Variants in AMZ2 observed in about 807,000 individuals in gnomAD.
The protein encoded by AMZ2 is archaelysin family metallopeptidase 2.
A neutral mutation model predicts 36.7 loss-of-function variants in AMZ2; 26 were observed. The ratio of observed to expected loss-of-function variants is 0.71; its 90% CI spans 0.52 to 0.98. The LOEUF (loss-of-function observed/expected upper bound fraction) is 0.98, where lower values mean the gene tolerates loss of function less well. Among genes scored for constraint, AMZ2 ranks in the 50% least tolerant of loss-of-function variants. The probability of loss-of-function intolerance (pLI) is 0.00; values close to 1 mark genes in which losing one functional copy is unlikely to be tolerated. For synonymous variants in AMZ2, 144 were observed against 149.1 expected (o/e 0.97, Z 0.25); for missense variants, 394 against 430.5 (o/e 0.92, Z 0.75).
Position 68,223,898 on chromosome 17 carries a change from A to ATT in AMZ2, c.-67+17668_-67+17669dup, listed in dbSNP as rs1555729196. 6.4e-3 allele frequency among the ~76,000 whole-genome samples: 720 copies of ATT among 111,690 alleles called. 8 individuals carry two copies. Among genetic ancestry groups the ATT allele is most frequent in the African/African-American group, 0.021 (693 of 32,764 alleles). The allele number at this position is 111,690 out of a possible 152,430, so 73.3% of individuals were successfully genotyped here. A position where few individuals can be genotyped will look rare whatever the true frequency, so the allele number is the denominator to read the frequency against. On this transcript the variant is annotated intron_variant, in intron 1 of 7. Transcript: ENST00000674770. ...ACCCAGCTAATTTATATATATATAT[A>ATT]TTTTTTTTTGAAACGGAGTCTCGCT...
intron 1 of AMZ2, among the ~76,000 whole-genome samples, chr17:68,229,285 G>A (rs548986594): frequency 2.2e-4 from 33 of 152,144 alleles, no homozygotes; most frequent in African/African-American, 4.6e-4. Context: ...AAGCACAGCC[G>A]TGGCTGAACA....
chr17:68,214,167 C>A (rs1391352448), intron 1 of AMZ2, among the ~76,000 whole-genome samples: 10 of 151,328 alleles, frequency 6.6e-5, no homozygotes, highest in East Asian at 1.9e-4. Flanking sequence ...TCGTGGTACT[C>A]TGTAGCCAGT....
chr17:68,249,059 A>G (rs528729205), intron 1 of AMZ2: 19 of 1,185,290 alleles, frequency 1.6e-5, no homozygotes, highest in South Asian at 8.4e-5. Context: ...TGAAAGCTCT[A>G]TATAGGAACA....
chr17:68,211,951 A>G (rs1429971768), intron 1 of AMZ2, among the ~76,000 whole-genome samples: 1 of 151,390 alleles, frequency 6.6e-6, no homozygotes, highest in Non-Finnish European at 1.5e-5. Flanking sequence ...CTGATACTAT[A>G]TTATCATAAG....
intron 1 of AMZ2, among the ~76,000 whole-genome samples, chr17:68,211,312 C>G (rs1849030381): frequency 6.6e-6 from 1 of 151,914 alleles, no homozygotes; most frequent in African/African-American, 2.4e-5. Context: ...ACCATCCTGG[C>G]TAACACAGTG....
chr17:68,222,893 T>C (rs1292045637), intron 1 of AMZ2, among the ~76,000 whole-genome samples: 1 of 152,170 alleles, frequency 6.6e-6, no homozygotes, highest in African/African-American at 2.4e-5. Flanking sequence ...TACGGGTCTG[T>C]GGCCCAGAGG....
At chr17:68,234,870 C>T (rs1555732138) in intron 1 of AMZ2, among the ~76,000 whole-genome samples, 1 of 152,004 alleles carries the variant, frequency 6.6e-6, no homozygotes, top group African/African-American at 2.4e-5. Flanking sequence ...CAAAAATTAG[C>T]CGGGCATTGC....
intron 1 of AMZ2, among the ~76,000 whole-genome samples, chr17:68,230,641 G>C (rs1178835122): frequency 6.6e-6 from 1 of 152,216 alleles, no homozygotes; most frequent in Admixed American, 6.5e-5. Flanking sequence ...GCCCCTTTCA[G>C]AATGGCTCAC....
rs1156556255 is a variant in AMZ2, at chr17:68,250,228, C to G, written c.41C>G (p.Ala14Gly). Residue 14 changes from alanine to glycine, a missense_variant, in exon 2 of 7, where the codon GCT becomes GGT. By Grantham distance (60) the Ala-to-Gly change is moderately conservative (BLOSUM62 0). Coordinates refer to ENST00000359904, the MANE Select transcript of AMZ2 (RefSeq NM_016627.5). The stretch of plus-strand genomic sequence containing the variant: ...CACTCCGAACAGACACTAAAAACAG[C>G]TCTCATCTCAAAGAACCCAGTGCTT... ...IRHSEQTLKT[A>G]LISKNPVLVS... is the part of the protein sequence containing the mutation. 1.2e-6 allele frequency: 2 copies of G among 1,614,048 alleles called. No homozygotes were observed. The highest frequency in any genetic ancestry group is 1.7e-6 in the Non-Finnish European group (2 of 1,180,046).
intron 1 of AMZ2, among the ~76,000 whole-genome samples, chr17:68,221,520 G>A (rs1382314050): frequency 3.3e-5 from 5 of 151,978 alleles, no homozygotes; most frequent in Admixed American, 1.3e-4. Flanking sequence ...ACGAGGTCAG[G>A]AGATTGAGAC....
At chr17:68,247,555 A>C (rs1323739785), upstream of AMZ2, 1 of 896,102 alleles carries the variant, frequency 1.1e-6, no homozygotes, top group Non-Finnish European at 1.3e-6. Context: ...TCTGGGTTCC[A>C]GCCCCCGCGG....
chr17:68,253,232 A>G (rs1263943939), intron 4 of AMZ2, among the ~76,000 whole-genome samples: 1 of 152,208 alleles, frequency 6.6e-6, no homozygotes, highest in Admixed American at 6.5e-5. Context: ...CCAGAATGCT[A>G]TCTTTGCTTA....
rs781945511 is a variant in AMZ2 at position 68,250,205 on chromosome 17, C to G, written c.18C>G (p.His6Gln). 5.1e-5 allele frequency: 82 copies of G among 1,613,752 alleles called. No individual in the cohort carries two copies. Among genetic ancestry groups the G allele is most frequent in the Non-Finnish European group, 6.3e-5 (74 of 1,179,966 alleles). ...TTTGTTAGATGCAAATAATACGGCA[C>G]TCCGAACAGACACTAAAAACAGCTC... MQIIR[H>Q]SEQTLKTALI... The change falls in exon 2 of 7, where the codon CAC becomes CAG. Residue 6 changes from histidine to glutamine, a missense_variant. Physicochemically the swap from His to Gln is conservative, Grantham distance 24 (BLOSUM62 0). Coordinates refer to ENST00000359904, the MANE Select transcript of AMZ2 (RefSeq NM_016627.5).
chr17:68,206,219 T>G, exon 1 of AMZ2: 1 of 1,302,424 alleles, frequency 7.7e-7, no homozygotes. Flanking sequence ...GGAGCCATAG[T>G]ACCTACAGCA....
Position 68,255,873 on chromosome 17 carries a change from C to T in AMZ2, c.924C>T (p.Tyr308=). The T allele has an allele frequency of 6.2e-7, 1 of 1,613,632 alleles. No homozygotes were observed. The highest frequency in any genetic ancestry group is 8.5e-7 in the Non-Finnish European group (1 of 1,179,846). Residue 308 remains tyrosine (Y), a synonymous_variant, in exon 6 of 7, where the codon TAC becomes TAT. Coordinates refer to ENST00000359904, the MANE Select transcript of AMZ2 (RefSeq NM_016627.5). ...TTGGCTTCAGCATTGTAGAAAGATA[C>T]AAAGTAAGTTGGGGGGTGGACAGTC... ...CAVGFSIVER[Y]KALVRWIDDE...
At chr17:68,256,642 C>T (rs1555742925) in intron 6 of AMZ2, among the ~76,000 whole-genome samples, 172 bp from the exon 7 acceptor site, 1 of 152,170 alleles carries the variant, frequency 6.6e-6, no homozygotes, top group African/African-American at 2.4e-5. Context: ...TTGGTACGTG[C>T]CATTTCACTC....
At chr17:68,214,319 G>A (rs1555726761) in intron 1 of AMZ2, among the ~76,000 whole-genome samples, 3 of 152,128 alleles carry the variant, frequency 2.0e-5, no homozygotes. Context: ...AGGAGCGATG[G>A]CATGGAAAGG....
chr17:68,213,641 G>A (rs577596423), intron 1 of AMZ2, among the ~76,000 whole-genome samples: 2 of 152,178 alleles, frequency 1.3e-5, no homozygotes, highest in Non-Finnish European at 2.9e-5. Context: ...CATCCACGAG[G>A]TATTTTTGGT....
At chr17:68,250,523 T>C (rs1238558435) in intron 2 of AMZ2, 53 bp downstream of exon 2, 1 of 1,581,074 alleles carries the variant, frequency 6.3e-7, no homozygotes. Flanking sequence ...GGCGCTCTTG[T>C]CAGGAATAGT....
Sources: gnomAD v4.1 joint callset for allele counts (sites outside exome capture counted in the v4.1 genomes callset) on GRCh38, gnomAD v4.1.1 for gene constraint, MANE v1.5 for transcripts, NCBI Gene and HGNC (gene_info 2026-07-23, HGNC 2026-07-21) for gene names.